The following LPAR3 variants were observed in gnomAD, a reference collection of about 807,000 sequenced individuals.
LPAR3 encodes lysophosphatidic acid receptor 3.
Under a neutral mutation model 17.8 loss-of-function variants are expected in LPAR3, and 7 were observed. The observed-to-expected ratio is 0.39, with a 90% CI of 0.22 to 0.74. LPAR3 has a LOEUF of 0.74. LPAR3 is among the 30% of genes least tolerant of loss of function. LPAR3 has a pLI of 0.40. For synonymous variants in LPAR3, 179 were observed against 179.9 expected (o/e 0.99, Z 0.04); for missense variants, 391 against 453.4 (o/e 0.86, Z 1.25).
chr1:84,848,412 C>G (rs982244683), intron 2 of LPAR3, among the ~76,000 whole-genome samples: 33 of 152,202 alleles, frequency 2.2e-4, no homozygotes, highest in African/African-American at 7.7e-4. Context: ...ATTCACAGAG[C>G]CTCCCTGAGC....
intron 2 of LPAR3, among the ~76,000 whole-genome samples, chr1:84,832,618 C>T (rs1367634583): frequency 6.6e-6 from 1 of 152,092 alleles, no homozygotes; most frequent in Middle Eastern, 3.2e-3. Flanking sequence ...ACCCCTCTGG[C>T]CAAATATGTA....
chr1:84,890,018 C>A (rs914936734), intron 1 of LPAR3, among the ~76,000 whole-genome samples: 1 of 152,210 alleles, frequency 6.6e-6, no homozygotes, highest in Non-Finnish European at 1.5e-5. Flanking sequence ...GAACCCTGTG[C>A]TCCAAGTACC....
chr1:84,878,855 T>C (rs1570904708), intron 1 of LPAR3, among the ~76,000 whole-genome samples: 2 of 152,170 alleles, frequency 1.3e-5, no homozygotes, highest in South Asian at 4.1e-4. Flanking sequence ...CTCTCTCTGG[T>C]GTTTTCCTTG....
chr1:84,815,818 A>G (rs1472641736), intron 2 of LPAR3, among the ~76,000 whole-genome samples: 2 of 152,210 alleles, frequency 1.3e-5, no homozygotes, highest in African/African-American at 4.8e-5. Context: ...TTTCCACAAA[A>G]AATATCTATA....
chr1:84,888,481 C>G lies in LPAR3; in HGVS notation c.-19+4535G>C, dbSNP rs534219998. Among the ~76,000 whole-genome samples the G allele has an allele frequency of 3.3e-5, 5 of 152,278 alleles. No individual in the cohort carries two copies. The East Asian group carries it at 9.6e-4, about 29-fold the overall frequency. On this transcript the variant is annotated intron_variant, in intron 1 of 2. Coordinates refer to ENST00000370611, the MANE Select transcript of LPAR3 (RefSeq NM_012152.3). ...CTGCCAATGGCTTTGAGTCTTAACTCTGGCTTTCTACCTCCTTAGGGAGTG... is the reference window on the plus strand; with the variant it reads ...CTGCCAATGGCTTTGAGTCTTAACTGTGGCTTTCTACCTCCTTAGGGAGTG...
intron 2 of LPAR3, among the ~76,000 whole-genome samples, chr1:84,828,203 C>CT (rs1337173537): frequency 6.6e-6 from 1 of 152,060 alleles, no homozygotes; most frequent in African/African-American, 2.4e-5. Context: ...AGATATGCTG[C>CT]TGTGAGTGTA....
chr1:84,834,718 T>C (rs1022339080), intron 2 of LPAR3, among the ~76,000 whole-genome samples: 12 of 152,200 alleles, frequency 7.9e-5, no homozygotes, highest in African/African-American at 2.9e-4. Context: ...TACAAAGTCT[T>C]AGCAATAAAT....
intron 1 of LPAR3, among the ~76,000 whole-genome samples, chr1:84,879,322 T>TC (rs71097863): frequency 1.8e-4 from 26 of 143,354 alleles, no homozygotes; most frequent in Non-Finnish European, 3.7e-4. Context: ...TTTTCTTTTT[T>TC]TTTTTTTGAG....
chr1:84,887,036 A>G (rs1660474135), intron 1 of LPAR3, among the ~76,000 whole-genome samples: 1 of 152,198 alleles, frequency 6.6e-6, no homozygotes, highest in South Asian at 2.1e-4. Flanking sequence ...TAGTATGCCA[A>G]CTAACAAATG....
chr1:84,861,937 T>C (rs1404065282), intron 2 of LPAR3, among the ~76,000 whole-genome samples: 1 of 152,214 alleles, frequency 6.6e-6, no homozygotes, highest in Admixed American at 6.5e-5. Context: ...CTTCCGTAAC[T>C]GTTGCAGACA....
chr1:84,878,402 C>G (rs996514054), intron 1 of LPAR3, among the ~76,000 whole-genome samples: 1 of 152,080 alleles, frequency 6.6e-6, no homozygotes, highest in Non-Finnish European at 1.5e-5. Context: ...ACTTGGTTCT[C>G]AGCCCTCTCT....
chr1:84,891,160 T>TAAA (rs546045989), intron 1 of LPAR3, among the ~76,000 whole-genome samples: 2,519 of 144,594 alleles, frequency 0.017, 77 homozygotes, highest in African/African-American at 0.055. Context: ...TCTGATCTGA[T>TAAA]AAAAAAAAAA....
At chr1:84,855,392 C>T (rs1028811847) in intron 2 of LPAR3, among the ~76,000 whole-genome samples, 1 of 152,072 alleles carries the variant, frequency 6.6e-6, no homozygotes, top group African/African-American at 2.4e-5. Context: ...AGAGGGTGTT[C>T]CTGAGTTCTG....
At chr1:84,825,185 T>C (rs930097821) in intron 2 of LPAR3, among the ~76,000 whole-genome samples, 2 of 152,188 alleles carry the variant, frequency 1.3e-5, no homozygotes, top group African/African-American at 2.4e-5. Flanking sequence ...TGCTAGGAAC[T>C]GAGGAGAAAG....
chr1:84,866,125 G>GA lies in LPAR3; in HGVS notation c.-6dup. On this transcript the variant is annotated 5_prime_UTR_variant, in exon 2 of 3. Transcript: ENST00000370611. The stretch of plus-strand genomic sequence containing the variant: ...GTCATAGTGACACTCATTCATTGTG[G>GA]AGAAGTGAACATCCTAGAAAGAAAT... 2 of 1,556,872 alleles carry GA rather than the reference G, an allele frequency of 1.3e-6. No homozygotes were observed. Among genetic ancestry groups the GA allele is most frequent in the African/African-American group, 1.4e-5 (1 of 72,044 alleles).
At chr1:84,819,774 G>A (rs570148016) in intron 2 of LPAR3, among the ~76,000 whole-genome samples, 1 of 152,242 alleles carries the variant, frequency 6.6e-6, no homozygotes, top group Admixed American at 6.5e-5. Context: ...TCTTTGGCTC[G>A]CCGTGCCAGG....
intron 2 of LPAR3, among the ~76,000 whole-genome samples, chr1:84,854,025 A>G (rs1659769970): frequency 6.6e-6 from 1 of 152,160 alleles, no homozygotes; most frequent in Non-Finnish European, 1.5e-5. Flanking sequence ...CAATTCATAT[A>G]CCCATGTTAT....
intron 2 of LPAR3, among the ~76,000 whole-genome samples, chr1:84,837,196 C>A (rs1361746251): frequency 1.3e-5 from 2 of 151,934 alleles, no homozygotes; most frequent in African/African-American, 4.8e-5. Context: ...TAGTTTTTTG[C>A]ATTTTTAGTA....
rs1347745862 is a variant in LPAR3, at chr1:84,811,706, T to C, written c.*2140A>G. On this transcript the variant is annotated 3_prime_UTR_variant, in exon 3 of 3. Coordinates refer to ENST00000370611, the MANE Select transcript of LPAR3 (RefSeq NM_012152.3). ...AAATCTACACTTTCAAATCATAATA[T>C]TCTCTATTTTAGGCTATTATATTTA... 1.3e-5 allele frequency: 2 copies of C among 152,226 alleles called. No homozygotes were observed. Among genetic ancestry groups the C allele is most frequent in the East Asian group, 3.8e-4 (2 of 5,202 alleles). 9.4% of individuals were successfully genotyped at this position (152,226 alleles called of 1,614,324 possible). A position where few individuals can be genotyped will look rare whatever the true frequency, so the allele number is the denominator to read the frequency against.
Sources: gnomAD v4.1 joint callset for allele counts (sites outside exome capture counted in the v4.1 genomes callset) on GRCh38, gnomAD v4.1.1 for gene constraint, MANE v1.5 for transcripts, NCBI Gene and HGNC (gene_info 2026-07-23, HGNC 2026-07-21) for gene names.